Variants in ABCA5 observed in about 807,000 individuals in gnomAD.
ABCA5 encodes the protein ATP binding cassette subfamily A member 5, also known as cholesterol transporter ABCA5.
In ABCA5, 163 loss-of-function variants were observed where a neutral mutation model predicts 206.0. The ratio of observed to expected loss-of-function variants is 0.79; its 90% CI spans 0.70 to 0.90. ABCA5 has a LOEUF of 0.90. ABCA5 is among the 40% of genes least tolerant of loss of function. ABCA5 has a pLI of 0.00. For missense variants in ABCA5, 1,859 were observed against 1,912.9 expected, an observed-to-expected ratio of 0.97 and a Z score of 0.53; for synonymous variants, 609 against 613.8, an observed-to-expected ratio of 0.99 and a Z score of 0.11.
At chr17:69,271,570 C>A (rs1319752608) in intron 20 of ABCA5, among the ~76,000 whole-genome samples, 1 of 152,076 alleles carries the variant, frequency 6.6e-6, no homozygotes, top group Admixed American at 6.6e-5. Flanking sequence ...GAGTGATCAT[C>A]CTGAGAATTA....
At chr17:69,304,575 C>A in intron 7 of ABCA5, 94 bp downstream of exon 7, 2 of 1,120,472 alleles carry the variant, frequency 1.8e-6, no homozygotes, top group Non-Finnish European at 2.4e-6. Flanking sequence ...TCTTTCATGG[C>A]AAATTGACTA....
At chr17:69,264,926 T>C in intron 23 of ABCA5, 21 bp from the exon 24 acceptor site, 2 of 1,426,970 alleles carry the variant, frequency 1.4e-6, no homozygotes, top group Non-Finnish European at 9.3e-7. Context: ...TGAAAAACAA[T>C]TTATTATAAT....
In ABCA5 at chr17:69,267,957, C is replaced by T. The variant is rs192667889; in HGVS notation, c.3130G>A (p.Ala1044Thr). The T allele has an allele frequency of 5.0e-5, 80 of 1,603,238 alleles. 1 individual carries two copies. The South Asian group carries it at 7.4e-4, about 15-fold the overall frequency. ...TGAGTCATTACCTTATGATTCTCTG[C>T]ATTTTCCATGGCAAAGTAAGGTGGC... ...AMPPYFAMEN[A>T]ENHKIKAYTQ... The change falls in exon 23 of 39, where the codon GCA becomes ACA. Residue 1044 changes from alanine (A) to threonine (T), a missense_variant. By Grantham distance (58) the Ala-to-Thr change is moderately conservative. Coordinates refer to ENST00000392676, the MANE Select transcript of ABCA5 (RefSeq NM_172232.4).
chr17:69,311,815 T>A (rs2075773926), intron 3 of ABCA5, among the ~76,000 whole-genome samples: 1 of 152,136 alleles, frequency 6.6e-6, no homozygotes, highest in East Asian at 1.9e-4. Flanking sequence ...GTTTATATTC[T>A]TTCCTCCTAC....
At chr17:69,266,009 C>T (rs749420638) in intron 23 of ABCA5, among the ~76,000 whole-genome samples, 28 of 152,044 alleles carry the variant, frequency 1.8e-4, no homozygotes, top group Non-Finnish European at 3.2e-4. Context: ...AAGCCAAAAA[C>T]GGAAAACAAT....
At chr17:69,312,081 G>A (rs2075776023) in intron 3 of ABCA5, among the ~76,000 whole-genome samples, 1 of 152,136 alleles carries the variant, frequency 6.6e-6, no homozygotes, top group Non-Finnish European at 1.5e-5. Flanking sequence ...TGACATATAA[G>A]CTAATTACAA....
In ABCA5 at chr17:69,306,763, TTC is replaced by T. The variant is rs1440759565; in HGVS notation, c.748_749del (p.Glu250IlefsTer9). 6.4e-7 allele frequency: 1 copy of T among 1,561,132 alleles called. No individual in the cohort carries two copies. Among genetic ancestry groups the T allele is most frequent in the Non-Finnish European group, 8.7e-7 (1 of 1,153,164 alleles). On this transcript the variant is annotated frameshift_variant, in exon 6 of 39. Coordinates refer to ENST00000392676, the MANE Select transcript of ABCA5 (RefSeq NM_172232.4). LOFTEE classifies it high-confidence loss of function. The part of the protein sequence containing the change: ...IVAEKEKKIK[E>X]FLKIMGLHDT... Reference sequence around the variant, plus strand: ...CATGAAGTCCCATTATCTTTAAAAATTCTTTTATTTTTTTTTCTTTTTCTGCT... The same window carrying T: ...CATGAAGTCCCATTATCTTTAAAAATTTTTATTTTTTTTTCTTTTTCTGCT...
chr17:69,317,741 T>C (rs114197970), intron 1 of ABCA5: 251 of 152,314 alleles, frequency 1.6e-3, no homozygotes, highest in African/African-American at 5.9e-3. Context: ...CAGGGTACAT[T>C]TACCCTTTGA....
intron 13 of ABCA5, 141 bp downstream of exon 13, chr17:69,289,721 T>C: frequency 2.9e-6 from 2 of 693,982 alleles, no homozygotes; most frequent in Non-Finnish European, 4.5e-6. Context: ...TTCTGTCTAA[T>C]TCTTTGTAAT....
chr17:69,281,609 T>C (rs553041459), intron 18 of ABCA5, among the ~76,000 whole-genome samples: 2 of 152,304 alleles, frequency 1.3e-5, no homozygotes, highest in African/African-American at 4.8e-5. Flanking sequence ...CTCAAAAATA[T>C]ATGGCTTCTC....
In ABCA5 at chr17:69,274,142, A is replaced by C. The variant is rs1255986025; in HGVS notation, c.2595-14T>G. On this transcript the variant is annotated splice_polypyrimidine_tract_variant and intron_variant, in intron 19 of 38. Coordinates refer to ENST00000392676, the MANE Select transcript of ABCA5 (RefSeq NM_172232.4). ...AGCAGAAGCAACCTGAAAAGAAAAA[A>C]AAAACAACACAGCTCAGGGTACAAA... The C allele has an allele frequency of 6.4e-7, 1 of 1,562,622 alleles. No homozygotes were observed. The highest frequency in any genetic ancestry group is 8.6e-7 in the Non-Finnish European group (1 of 1,163,916).
intron 6 of ABCA5, 61 bp from the exon 7 acceptor site, chr17:69,304,871 C>G: frequency 7.3e-7 from 1 of 1,365,410 alleles, no homozygotes; most frequent in Non-Finnish European, 9.6e-7. Flanking sequence ...GTTAAAAAAT[C>G]ATTTTAAACA....
intron 5 of ABCA5, 73 bp downstream of exon 5, chr17:69,308,207 C>T (rs2075737860): frequency 7.4e-6 from 7 of 946,772 alleles, no homozygotes; most frequent in Admixed American, 4.1e-5. Flanking sequence ...AAACCAAATA[C>T]TATTGTAAAG....
chr17:69,292,140 T>C (rs2075534479), intron 11 of ABCA5, among the ~76,000 whole-genome samples: 1 of 151,870 alleles, frequency 6.6e-6, no homozygotes, highest in South Asian at 2.1e-4. Flanking sequence ...AAAACTAGAC[T>C]AAGAAGGCTA....
Position 69,244,679 on chromosome 17 carries a change from T to C in ABCA5, c.*2858A>G, listed in dbSNP as rs374596228. ...AACATTTCTATTTCTCAAAAATTAA[T>C]GCCTATTTACATGTTACACAAAAAT... On this transcript the variant is annotated 3_prime_UTR_variant, in exon 39 of 39. Coordinates refer to ENST00000392676, the MANE Select transcript of ABCA5 (RefSeq NM_172232.4). The C allele has an allele frequency of 4.1e-4, 62 of 151,640 alleles. 2 individuals are homozygous for C. The East Asian group carries it at 0.01, about 25-fold the overall frequency. 9.4% of individuals were successfully genotyped at this position (151,640 alleles called of 1,614,324 possible).
Position 69,261,170 on chromosome 17 carries a change from G to T in ABCA5, c.3519C>A (p.Ile1173=). The change falls in exon 26 of 39, where the codon ATC becomes ATA. Residue 1173 remains isoleucine (I), a synonymous_variant. Coordinates refer to ENST00000392676, the MANE Select transcript of ABCA5 (RefSeq NM_172232.4). ...AACCTAGAAGTGGATAGATTGGAAT[G>T]ATGATACAAAAGGCATAATGAAGAA... ...ATILHYAFCI[I]IPIYPLLGCL... is the part of the protein sequence containing the mutation. 6.2e-7 allele frequency: 1 copy of T among 1,604,364 alleles called. No homozygotes were observed. The highest frequency in any genetic ancestry group is 8.5e-7 in the Non-Finnish European group (1 of 1,174,628).
intron 7 of ABCA5, 22 bp downstream of exon 7, chr17:69,304,647 T>C (rs2075698077): frequency 6.5e-6 from 10 of 1,539,790 alleles, no homozygotes; most frequent in Non-Finnish European, 7.9e-6. Context: ...TCTTTATTCC[T>C]ATCACAAGTT....
Position 69,277,698 on chromosome 17 carries a change from G to T in ABCA5, c.2537C>A (p.Thr846Lys), listed in dbSNP as rs150573125. Reference protein sequence around the residue: ...TMSLWKQQMYTIAKFHFFTLK... With the variant: ...TMSLWKQQMYKIAKFHFFTLK... ...GGTAAAGAAATGAAACTTTGCTATT[G>T]TATACATCTGTTGTTTCCAAAGGCT... is the stretch of plus-strand genomic sequence containing the variant. The change falls in exon 19 of 39, where the codon ACA (threonine) becomes AAA (lysine). Residue 846 changes from threonine to lysine, a missense_variant. By Grantham distance (78) the Thr-to-Lys change is moderately conservative. Coordinates refer to ENST00000392676, the MANE Select transcript of ABCA5 (RefSeq NM_172232.4). 310 of 1,611,304 alleles carry T rather than the reference G, an allele frequency of 1.9e-4. 2 individuals carry two copies. In the African/African-American group the frequency reaches 3.7e-3, roughly 19 times the overall value.
In ABCA5 at chr17:69,255,533, T is replaced by C. The variant is rs1173203069; in HGVS notation, c.4068+10A>G. On this transcript the variant is annotated intron_variant, in intron 31 of 38. Transcript: ENST00000392676. ...ACATTCAACATATCCTATACTCTTA[T>C]ATATCATACCTGGCCTGAAGTTGGT... The C allele has an allele frequency of 2.0e-6, 3 of 1,510,528 alleles. No homozygotes were observed. Among genetic ancestry groups the C allele is most frequent in the Non-Finnish European group, 2.7e-6 (3 of 1,126,032 alleles). 93.6% of individuals were successfully genotyped at this position (1,510,528 alleles called of 1,614,324 possible).
Sources: gnomAD v4.1 joint callset for allele counts (sites outside exome capture counted in the v4.1 genomes callset) on GRCh38, gnomAD v4.1.1 for gene constraint, MANE v1.5 for transcripts, NCBI Gene and HGNC (gene_info 2026-07-23, HGNC 2026-07-21) for gene names.